LMO7: variants seen among roughly 807,000 people sequenced by gnomAD.
LMO7 encodes LIM domain only protein 7.
A neutral mutation model predicts 206.5 loss-of-function variants in LMO7; 120 were observed. That is an observed-to-expected ratio of 0.58 (90% CI 0.50 to 0.68). The LOEUF is 0.68. Among genes scored for constraint, LMO7 ranks in the 30% least tolerant of loss-of-function variants. The pLI, the probability that LMO7 is intolerant of heterozygous loss-of-function variation, is 0.00. For synonymous variants in LMO7, 706 were observed against 681.5 expected (o/e 1.04, Z -0.56); for missense variants, 1,959 against 1,957.9 (o/e 1.00, Z -0.01).
chr13:75,696,939 C>G (rs2041949629), intron 1 of LMO7, among the ~76,000 whole-genome samples: 1 of 152,056 alleles, frequency 6.6e-6, no homozygotes, highest in Non-Finnish European at 1.5e-5. Context: ...TCGAACGTTG[C>G]CAGACTGTTT....
chr13:75,736,561 C>T (rs541258042), intron 3 of LMO7, among the ~76,000 whole-genome samples: 6 of 152,254 alleles, frequency 3.9e-5, no homozygotes, highest in Admixed American at 6.5e-5. Context: ...TTTACAGCTG[C>T]GTATCAGAGG....
At chr13:75,699,840 G>T (rs146264612) in intron 1 of LMO7, among the ~76,000 whole-genome samples, 1 of 152,152 alleles carries the variant, frequency 6.6e-6, no homozygotes, top group Admixed American at 6.5e-5. Flanking sequence ...AATTCGCCAG[G>T]CTGGAATTTC....
intron 4 of LMO7, among the ~76,000 whole-genome samples, chr13:75,786,162 T>TGTCA (rs138883575): frequency 0.01 from 1,546 of 152,264 alleles, 24 homozygotes; most frequent in East Asian, 0.068. Flanking sequence ...ATCATTACAT[T>TGTCA]GTCATATGGG....
intron 1 of LMO7, among the ~76,000 whole-genome samples, chr13:75,682,567 A>G (rs2040626616): frequency 6.6e-6 from 1 of 152,158 alleles, no homozygotes; most frequent in South Asian, 2.1e-4. Context: ...TGGGGTAAAG[A>G]GGAAAGGGGA....
In LMO7 at chr13:75,859,819, G is replaced by A. The variant is rs564436917; in HGVS notation, c.*1876G>A. 2.6e-5 allele frequency: 4 copies of A among 152,294 alleles called. No homozygotes were observed. The highest frequency in any genetic ancestry group is 9.6e-5 in the African/African-American group (4 of 41,574). The allele number at this position is 152,294 out of a possible 1,614,324, so 9.4% of individuals were successfully genotyped here. A position where few individuals can be genotyped will look rare whatever the true frequency, so the allele number is the denominator to read the frequency against. Reference sequence around the variant, plus strand: ...TTCTCTGCCTGATGTGTATGCAGAGGCAGCCCTCAATATGCAGTGGTTGAA... The same window carrying A: ...TTCTCTGCCTGATGTGTATGCAGAGACAGCCCTCAATATGCAGTGGTTGAA... On this transcript the variant is annotated 3_prime_UTR_variant, in exon 31 of 31. Coordinates refer to ENST00000377534, the MANE Select transcript of LMO7 (RefSeq NM_001306080.2).
At chr13:75,840,937 A>G (rs973343866) in intron 22 of LMO7, among the ~76,000 whole-genome samples, 172 bp from the exon 23 acceptor site, 1 of 152,192 alleles carries the variant, frequency 6.6e-6, no homozygotes. Flanking sequence ...TTTTAATTCA[A>G]TATATGCTCT....
At chr13:75,702,812 G>A (rs2042368828) in intron 1 of LMO7, among the ~76,000 whole-genome samples, 1 of 152,182 alleles carries the variant, frequency 6.6e-6, no homozygotes, top group Admixed American at 6.5e-5. Context: ...ATTTTTGAAT[G>A]AATGAATAAA....
intron 3 of LMO7, among the ~76,000 whole-genome samples, chr13:75,734,507 G>A (rs753320073): frequency 3.9e-5 from 6 of 152,130 alleles, no homozygotes; most frequent in Non-Finnish European, 8.8e-5. Context: ...CCATTCATGT[G>A]TTTACAGATG....
intron 15 of LMO7, among the ~76,000 whole-genome samples, chr13:75,826,922 C>T (rs2058164440): frequency 6.6e-6 from 1 of 152,106 alleles, no homozygotes; most frequent in Non-Finnish European, 1.5e-5. Flanking sequence ...CTTTTTGGAG[C>T]ACATCACTGC....
intron 1 of LMO7, among the ~76,000 whole-genome samples, chr13:75,684,519 A>G (rs1487220471): frequency 6.7e-6 from 1 of 149,192 alleles, no homozygotes; most frequent in Non-Finnish European, 1.5e-5. Flanking sequence ...TGCTGGGATT[A>G]CAGGCGTGAG....
upstream of LMO7, among the ~76,000 whole-genome samples, chr13:75,632,862 G>GTTGTTTTTTTTTTTTTTTTTT (rs2099197047): frequency 2.9e-5 from 3 of 102,138 alleles, 1 homozygote; most frequent in South Asian, 1.1e-3. Context: ...TTACTTAAAA[G>GTTGTTTTTTTTTTTTTTTTTT]TTTTTTTTTT....
At chr13:75,714,735 C>A (rs1223972444) in intron 2 of LMO7, among the ~76,000 whole-genome samples, 1 of 152,162 alleles carries the variant, frequency 6.6e-6, no homozygotes, top group African/African-American at 2.4e-5. Flanking sequence ...CATAGCCCAA[C>A]TGGTCACTAA....
chr13:75,662,557 A>G (rs916497314), intron 1 of LMO7, among the ~76,000 whole-genome samples: 1 of 152,174 alleles, frequency 6.6e-6, no homozygotes, highest in African/African-American at 2.4e-5. Context: ...GAGCTCAAGC[A>G]ATCTGCCTGC....
chr13:75,841,551 C>T, intron 23 of LMO7, 77 bp from the exon 24 acceptor site: 2 of 1,072,316 alleles, frequency 1.9e-6, no homozygotes, highest in Non-Finnish European at 2.7e-6. Flanking sequence ...GCATCTAAAA[C>T]TGAATATATA....
chr13:75,835,034 G>A, intron 17 of LMO7, 199 bp from the exon 18 acceptor site: 1 of 532,414 alleles, frequency 1.9e-6, no homozygotes. Context: ...TTCACACGCT[G>A]CCTGATTTGT....
intron 15 of LMO7, among the ~76,000 whole-genome samples, chr13:75,832,209 G>A (rs576022588): frequency 4.6e-5 from 7 of 152,156 alleles, no homozygotes; most frequent in South Asian, 2.1e-4. Flanking sequence ...TTGCACAGAC[G>A]TAGTATACTG....
At chr13:75,626,968 C>A (rs1287214439) in intron 2 of LMO7, 1 of 152,040 alleles carries the variant, frequency 6.6e-6, no homozygotes, top group Non-Finnish European at 1.5e-5. Context: ...TTACTGCTAT[C>A]CACCTTGTAG....
intron 4 of LMO7, among the ~76,000 whole-genome samples, chr13:75,790,777 A>G (rs1212662058): frequency 2.0e-5 from 3 of 152,154 alleles, no homozygotes; most frequent in Non-Finnish European, 4.4e-5. Context: ...TGATGGGCAT[A>G]TAGTTTCTGG....
intron 30 of LMO7, chr13:75,857,397 T>C (rs1376327541): frequency 1.3e-5 from 2 of 152,302 alleles, no homozygotes; most frequent in Admixed American, 6.5e-5. Flanking sequence ...GAGGTATTTA[T>C]ATGGCCCCTA....
Sources: allele counts gnomAD v4.1 joint callset (sites outside exome capture counted in the v4.1 genomes callset), GRCh38; gene constraint gnomAD v4.1.1; transcripts MANE v1.5; gene names NCBI Gene and HGNC (gene_info 2026-07-23, HGNC 2026-07-21).